The following PRDM11 variants were observed in gnomAD, a reference collection of about 807,000 sequenced individuals.
PRDM11 encodes PR/SET domain 11.
A neutral mutation model predicts 97.8 loss-of-function variants in PRDM11; 20 were observed. The ratio of observed to expected loss-of-function variants is 0.20; its 90% CI spans 0.14 to 0.30. The LOEUF (loss-of-function observed/expected upper bound fraction) is 0.30. PRDM11 is among the 10% of genes least tolerant of loss of function. PRDM11 has a pLI of 1.00. For synonymous variants in PRDM11, 599 were observed against 637.7 expected (o/e 0.94, Z 0.91); for missense variants, 1,139 against 1,555.2 (o/e 0.73, Z 4.50).
rs187500627 is a variant in PRDM11, at chr11:45,147,195, C to T, written c.-7+318C>T. 3.3e-5 allele frequency: 5 copies of T among 151,950 alleles called. No homozygotes were observed. In the East Asian group the frequency reaches 9.8e-4, roughly 30 times the overall value. The allele number at this position is 151,950 out of a possible 1,614,324, so 9.4% of individuals were successfully genotyped here. A position where few individuals can be genotyped will look rare whatever the true frequency, so the allele number is the denominator to read the frequency against. ...GCCTTGTTACAATGTAGCCTTTTCT[C>T]TCCGCAAGCGGCGCGCCCGCTGACG... On this transcript the variant is annotated intron_variant, in intron 1 of 7. Coordinates refer to ENST00000683152, the MANE Select transcript of PRDM11 (RefSeq NM_001384648.1).
At chr11:45,140,449 C>A (rs1852980532) in intron 1 of PRDM11, among the ~76,000 whole-genome samples, 1 of 152,166 alleles carries the variant, frequency 6.6e-6, no homozygotes. Context: ...GTGGCTGCAC[C>A]ATTTCTGGAA....
chr11:45,169,817 T>G (rs1196060761), intron 1 of PRDM11, among the ~76,000 whole-genome samples: 3 of 152,198 alleles, frequency 2.0e-5, no homozygotes, highest in Non-Finnish European at 4.4e-5. Context: ...CTGCTGTCTC[T>G]CCCATGACGT....
intron 7 of PRDM11, 113 bp from the exon 8 acceptor site, chr11:45,225,882 G>A: frequency 9.1e-6 from 12 of 1,311,824 alleles, no homozygotes; most frequent in Non-Finnish European, 1.1e-5. Flanking sequence ...GGCTTCCACG[G>A]ACTTCTGTTT....
At chr11:45,128,488 G>A (rs890576622) in intron 1 of PRDM11, among the ~76,000 whole-genome samples, 9 of 151,898 alleles carry the variant, frequency 5.9e-5, no homozygotes, top group African/African-American at 1.7e-4. Flanking sequence ...AGCCATCTTG[G>A]CTACACCCCG....
At chr11:45,206,559 C>A in intron 5 of PRDM11, among the ~76,000 whole-genome samples, 1 of 152,328 alleles carries the variant, frequency 6.6e-6, no homozygotes, top group East Asian at 1.9e-4. Flanking sequence ...GCCCATAGAA[C>A]CGAATCTGTT....
At chr11:45,110,029 T>C (rs1336613511) in intron 1 of PRDM11, among the ~76,000 whole-genome samples, 1 of 152,208 alleles carries the variant, frequency 6.6e-6, no homozygotes, top group East Asian at 1.9e-4. Context: ...GCCCTCTATA[T>C]GTCAGGATTC....
chr11:45,147,133 G>A (rs1193066511), intron 1 of PRDM11, among the ~76,000 whole-genome samples: 1 of 151,328 alleles, frequency 6.6e-6, no homozygotes, highest in African/African-American at 2.4e-5. Flanking sequence ...GCCGGGGGCC[G>A]CCCTCCGCCT....
At chr11:45,181,242 C>T (rs1029960668) in intron 1 of PRDM11, among the ~76,000 whole-genome samples, 4 of 152,168 alleles carry the variant, frequency 2.6e-5, no homozygotes, top group Non-Finnish European at 5.9e-5. Flanking sequence ...CTCGCCAGCG[C>T]CCCCAGGCCC....
rs1273742346 is a variant in PRDM11, at chr11:45,228,201, T to C, written c.*42T>C. On this transcript the variant is annotated 3_prime_UTR_variant, in exon 8 of 8. Coordinates refer to ENST00000683152, the MANE Select transcript of PRDM11 (RefSeq NM_001384648.1). ...AGTTCACTAAGCTGTTGAATATTTT[T>C]TTAATCTATACTCATAAGCTTTGAT... 1 of 1,407,270 alleles carries C rather than the reference T, an allele frequency of 7.1e-7. No homozygotes were observed. The highest frequency in any genetic ancestry group is 9.2e-7 in the Non-Finnish European group (1 of 1,084,302). The allele number at this position is 1,407,270 out of a possible 1,614,324, so 87.2% of individuals were successfully genotyped here.
intron 1 of PRDM11, among the ~76,000 whole-genome samples, chr11:45,178,827 TGGTGCC>T (rs2135729225): frequency 1.3e-5 from 2 of 152,366 alleles, no homozygotes; most frequent in South Asian, 4.1e-4. Context: ...GTCTTGGCCC[TGGTGCC>T]AGGCACTGTT....
upstream of PRDM11, chr11:45,146,556 G>C (rs892328560): frequency 1.3e-5 from 2 of 151,984 alleles, no homozygotes; most frequent in African/African-American, 4.8e-5. Context: ...GCCGGGTCGG[G>C]ACGCGGCTGG....
At chr11:45,148,351 G>T (rs1458805117) in intron 1 of PRDM11, among the ~76,000 whole-genome samples, 1 of 152,196 alleles carries the variant, frequency 6.6e-6, no homozygotes, top group Non-Finnish European at 1.5e-5. Context: ...CGGCAAGGAA[G>T]TTGTGAAATT....
intron 1 of PRDM11, among the ~76,000 whole-genome samples, chr11:45,114,929 T>C (rs1342722121): frequency 1.3e-5 from 2 of 152,096 alleles, no homozygotes; most frequent in Non-Finnish European, 2.9e-5. Context: ...AGTAGACCTG[T>C]TTCACAAGAA....
intron 1 of PRDM11, among the ~76,000 whole-genome samples, chr11:45,173,537 G>C (rs915142701): frequency 9.3e-5 from 14 of 151,260 alleles, no homozygotes; most frequent in African/African-American, 3.4e-4. Flanking sequence ...CAGGAGAATC[G>C]CTTGAACCCG....
rs1380225818 is a variant in PRDM11, at chr11:45,233,180, G to C, written c.*5021G>C. The C allele has an allele frequency of 6.6e-6, 1 of 152,244 alleles. No individual in the cohort carries two copies. The highest frequency in any genetic ancestry group is 1.5e-5 in the Non-Finnish European group (1 of 68,062). The allele number at this position is 152,244 out of a possible 1,614,324, so 9.4% of individuals were successfully genotyped here. ...TAGAGTCTATAGAGCTGGGAGAGCA[G>C]TGGGAAGCCTGGCGCTGTGCTGTGC... On this transcript the variant is annotated 3_prime_UTR_variant, in exon 8 of 8. Coordinates refer to ENST00000683152, the MANE Select transcript of PRDM11 (RefSeq NM_001384648.1).
At chr11:45,111,760 C>T (rs1168397044) in intron 1 of PRDM11, among the ~76,000 whole-genome samples, 1 of 152,070 alleles carries the variant, frequency 6.6e-6, no homozygotes, top group East Asian at 1.9e-4. Context: ...GGAACACAAC[C>T]AGGGGCCCAT....
At chr11:45,115,320 A>C (rs79881985) in intron 1 of PRDM11, among the ~76,000 whole-genome samples, 2,831 of 152,268 alleles carry the variant, frequency 0.019, 85 homozygotes, top group African/African-American at 0.064. Flanking sequence ...AGAGGTTTTG[A>C]TAAAAAGTAA....
chr11:45,178,036 T>C (rs1357410969), intron 1 of PRDM11, among the ~76,000 whole-genome samples: 2 of 152,166 alleles, frequency 1.3e-5, no homozygotes, highest in African/African-American at 4.8e-5. Flanking sequence ...AAGTAATACT[T>C]TGCCCACAGG....
At chr11:45,213,125 G>A (rs1206052054) in intron 5 of PRDM11, 3 of 456,498 alleles carry the variant, frequency 6.6e-6, no homozygotes, top group East Asian at 1.4e-4. Flanking sequence ...TCGTGTCCAG[G>A]AACAGGATCG....
Sources: allele counts gnomAD v4.1 joint callset (sites outside exome capture counted in the v4.1 genomes callset), GRCh38; gene constraint gnomAD v4.1.1; transcripts MANE v1.5; gene names NCBI Gene and HGNC (gene_info 2026-07-23, HGNC 2026-07-21).